CTNNAL1: variants seen among roughly 807,000 people sequenced by gnomAD.
The protein encoded by CTNNAL1 is alpha-catulin.
A neutral mutation model predicts 93.6 loss-of-function variants in CTNNAL1; 69 were observed. The ratio of observed to expected loss-of-function variants is 0.74; its 90% CI spans 0.61 to 0.90. The LOEUF (loss-of-function observed/expected upper bound fraction) is 0.90. Among genes scored for constraint, CTNNAL1 ranks in the 40% least tolerant of loss-of-function variants. CTNNAL1 has a pLI of 0.00. For synonymous variants in CTNNAL1, 286 were observed against 305.4 expected (o/e 0.94, Z 0.66); for missense variants, 836 against 862.0 (o/e 0.97, Z 0.38).
chr9:108,990,910 T>C, intron 3 of CTNNAL1, 65 bp from the exon 4 acceptor site: 1 of 1,528,636 alleles, frequency 6.5e-7, no homozygotes, highest in Non-Finnish European at 8.8e-7. Flanking sequence ...TTGTCAAGGC[T>C]GAGTAGAGAG....
intron 1 of CTNNAL1, among the ~76,000 whole-genome samples, chr9:109,008,192 T>C (rs1216194242): frequency 1.5e-5 from 2 of 131,700 alleles, no homozygotes; most frequent in Non-Finnish European, 3.2e-5. Context: ...AGAGTCTCAC[T>C]CTGTTACCAG....
rs28361184 is a variant in CTNNAL1, at chr9:108,942,629, A to G, written c.*140T>C. The G allele has an allele frequency of 2.2e-5, 14 of 630,878 alleles. No individual in the cohort carries two copies. The highest frequency in any genetic ancestry group is 1.5e-4 in the Admixed American group (5 of 32,360). 39.1% of individuals were successfully genotyped at this position (630,878 alleles called of 1,614,324 possible). ...GTCAAAAAGCTTTACAATCAGTTTC[A>G]TGATCAGAAAATAGAGCAAAATTTC... is the stretch of plus-strand genomic sequence containing the variant. On this transcript the variant is annotated 3_prime_UTR_variant, in exon 19 of 19. Transcript: ENST00000325551.
chr9:108,967,839 C>T (rs1288408029), intron 10 of CTNNAL1, among the ~76,000 whole-genome samples: 2 of 152,152 alleles, frequency 1.3e-5, no homozygotes, highest in Admixed American at 6.5e-5. Flanking sequence ...GGATTTTCTT[C>T]TGAGTGAGAA....
intron 2 of CTNNAL1, among the ~76,000 whole-genome samples, chr9:108,994,722 G>T (rs1831950168): frequency 6.6e-6 from 1 of 152,128 alleles, no homozygotes; most frequent in Non-Finnish European, 1.5e-5. Context: ...TGTGCTGTCT[G>T]TCCCCTCCCA....
intron 11 of CTNNAL1, among the ~76,000 whole-genome samples, chr9:108,961,902 C>T (rs988605899): frequency 6.6e-6 from 1 of 152,130 alleles, no homozygotes; most frequent in African/African-American, 2.4e-5. Flanking sequence ...TTCCTGGGAT[C>T]TCTCAGTCAT....
chr9:109,008,317 C>T (rs943161810), intron 1 of CTNNAL1, among the ~76,000 whole-genome samples: 3 of 152,044 alleles, frequency 2.0e-5, no homozygotes, highest in Non-Finnish European at 4.4e-5. Context: ...ACCACCACGC[C>T]AGCTAACTTT....
intron 4 of CTNNAL1, among the ~76,000 whole-genome samples, chr9:108,986,138 T>C (rs1333033121): frequency 6.6e-6 from 1 of 151,102 alleles, no homozygotes; most frequent in Non-Finnish European, 1.5e-5. Context: ...TAACTCGTCA[T>C]TTAGCATTAG....
intron 5 of CTNNAL1, 147 bp downstream of exon 5, chr9:108,984,200 A>C (rs767398608): frequency 1.8e-6 from 1 of 551,706 alleles, no homozygotes; most frequent in Non-Finnish European, 3.2e-6. Flanking sequence ...GCATTCTTAT[A>C]AATAATAACT....
rs533255777 is a variant in CTNNAL1, at chr9:108,984,489, T to C, written c.640-53A>G. ...GTCTAAGACCATGTGAACAACCCAA[T>C]TTCTTAAAAAAGTATTTATTCAACA... On this transcript the variant is annotated intron_variant, in intron 4 of 18. Transcript: ENST00000325551. 1.0e-5 allele frequency: 10 copies of C among 996,090 alleles called. No homozygotes were observed. In the Admixed American group the frequency reaches 1.7e-4, roughly 17 times the overall value. The allele number at this position is 996,090 out of a possible 1,614,324, so 61.7% of individuals were successfully genotyped here. A position where few individuals can be genotyped will look rare whatever the true frequency, so the allele number is the denominator to read the frequency against.
chr9:109,003,869 T>C (rs1403768375), intron 1 of CTNNAL1, among the ~76,000 whole-genome samples: 1 of 152,174 alleles, frequency 6.6e-6, no homozygotes, highest in Non-Finnish European at 1.5e-5. Context: ...GGTAAACAAT[T>C]TGTGTGCAGA....
chr9:108,962,282 T>C (rs907839042), intron 11 of CTNNAL1, among the ~76,000 whole-genome samples: 1 of 152,216 alleles, frequency 6.6e-6, no homozygotes, highest in African/African-American at 2.4e-5. Context: ...CTATTATTTT[T>C]ATGGTTATAA....
At chr9:108,986,299 T>A (rs931187359) in intron 4 of CTNNAL1, among the ~76,000 whole-genome samples, 5 of 151,062 alleles carry the variant, frequency 3.3e-5, no homozygotes, top group African/African-American at 1.2e-4. Flanking sequence ...GTCCTTGCGA[T>A]AGTTTACTGA....
In CTNNAL1 at chr9:108,992,833, C is replaced by G; in HGVS notation, c.332-14G>C. Reference sequence around the variant, plus strand: ...CAATTGTTTCTCCTAACAAGAAAGACGAGGGGAGAAAGTTAAACAGGCATA... The same window carrying G: ...CAATTGTTTCTCCTAACAAGAAAGAGGAGGGGAGAAAGTTAAACAGGCATA... On this transcript the variant is annotated splice_polypyrimidine_tract_variant and intron_variant, in intron 2 of 18. Coordinates refer to ENST00000325551, the MANE Select transcript of CTNNAL1 (RefSeq NM_003798.4). 6.3e-7 allele frequency: 1 copy of G among 1,596,214 alleles called. No individual in the cohort carries two copies. The highest frequency in any genetic ancestry group is 1.1e-5 in the South Asian group (1 of 87,760).
At chr9:109,002,818 C>T (rs573820000) in intron 1 of CTNNAL1, among the ~76,000 whole-genome samples, 2 of 148,894 alleles carry the variant, frequency 1.3e-5, no homozygotes, top group South Asian at 2.1e-4. Context: ...ACCCCATCTC[C>T]ACTAAAAAAA....
chr9:108,954,471 T>G (rs907315264), intron 12 of CTNNAL1, among the ~76,000 whole-genome samples: 3 of 152,246 alleles, frequency 2.0e-5, no homozygotes, highest in African/African-American at 7.2e-5. Context: ...AAAATTATTT[T>G]GTAGTAGCCC....
chr9:109,007,659 A>G (rs1189450641), intron 1 of CTNNAL1, among the ~76,000 whole-genome samples: 1 of 152,236 alleles, frequency 6.6e-6, no homozygotes, highest in Non-Finnish European at 1.5e-5. Context: ...GCTTTTCAAG[A>G]AAATGTCTGA....
At chr9:108,998,201 T>C (rs369370022) in intron 2 of CTNNAL1, among the ~76,000 whole-genome samples, 3 of 152,292 alleles carry the variant, frequency 2.0e-5, no homozygotes, top group Admixed American at 6.5e-5. Context: ...GGTTGTCCCA[T>C]GGAAGGAGAG....
intron 2 of CTNNAL1, among the ~76,000 whole-genome samples, chr9:108,995,272 A>G (rs1352426509): frequency 6.6e-6 from 1 of 152,240 alleles, no homozygotes; most frequent in African/African-American, 2.4e-5. Flanking sequence ...TATCATTAAT[A>G]GCTAAAAGGA....
At position 108,992,803 on chromosome 9, in the gene CTNNAL1, T is replaced by G. The variant is rs761162890; in HGVS notation, c.348A>C (p.Ala116=). ...GGTTCAAGTTGGTTATGTCTGTAAG[T>G]GCTGCAATTGTTTCTCCTAACAAGA... ...EAKQAGETIA[A]LTDITNLNHL... The change falls in exon 3 of 19, where the codon GCA becomes GCC. Residue 116 remains alanine (A), a synonymous_variant. Coordinates refer to ENST00000325551, the MANE Select transcript of CTNNAL1 (RefSeq NM_003798.4). 4 of 1,608,320 alleles carry G rather than the reference T, an allele frequency of 2.5e-6. No individual in the cohort carries two copies. Among genetic ancestry groups the G allele is most frequent in the South Asian group, 1.1e-5 (1 of 89,588 alleles).
Sources: allele counts gnomAD v4.1 joint callset (sites outside exome capture counted in the v4.1 genomes callset), GRCh38; gene constraint gnomAD v4.1.1; transcripts MANE v1.5; gene names NCBI Gene and HGNC (gene_info 2026-07-23, HGNC 2026-07-21).